MSH3: variants seen among roughly 807,000 people sequenced by gnomAD.
MSH3 encodes mutS homolog 3, also known as DNA mismatch repair protein Msh3.
Under a neutral mutation model 123.3 loss-of-function variants are expected in MSH3, and 106 were observed. That is an observed-to-expected ratio of 0.86 (90% CI 0.73 to 1.01). The LOEUF (loss-of-function observed/expected upper bound fraction) is 1.01. Ranked by LOEUF, MSH3 falls within the 50% of genes least tolerant of loss-of-function variation. The pLI, the probability that MSH3 is intolerant of heterozygous loss-of-function variation, is 0.00. For synonymous variants in MSH3, 515 were observed against 481.4 expected (o/e 1.07, Z -0.91); for missense variants, 1,459 against 1,347.6 (o/e 1.08, Z -1.29).
chr5:80,731,401 A>G (rs1743409354), intron 10 of MSH3, among the ~76,000 whole-genome samples: 1 of 152,172 alleles, frequency 6.6e-6, no homozygotes, highest in Non-Finnish European at 1.5e-5. Flanking sequence ...TTAGTGTATC[A>G]TCTAATCTAC....
intron 8 of MSH3, among the ~76,000 whole-genome samples, chr5:80,722,870 C>G (rs956452621): frequency 6.6e-6 from 1 of 152,104 alleles, no homozygotes; most frequent in Non-Finnish European, 1.5e-5. Context: ...TTTGGGAGGC[C>G]GAGGTGGGCA....
At chr5:80,683,380 T>C (rs751582805) in intron 8 of MSH3, among the ~76,000 whole-genome samples, 5 of 152,326 alleles carry the variant, frequency 3.3e-5, no homozygotes, top group African/African-American at 4.8e-5. Flanking sequence ...TATTATTGCA[T>C]GTCTTTGGAT....
rs571940056 is a variant in MSH3, at chr5:80,826,354, G to C, written c.2813+12613G>C. Among the ~76,000 whole-genome samples the C allele has an allele frequency of 1.6e-4, 25 of 152,260 alleles. 1 individual carries two copies. In the South Asian group the frequency reaches 4.8e-3, roughly 29 times the overall value. ...ATGGAAAAAATATTAAAATCTAGCAGAATGAGATATTTGCATAAGATTTAG... is the reference window on the plus strand; with the variant it reads ...ATGGAAAAAATATTAAAATCTAGCACAATGAGATATTTGCATAAGATTTAG... On this transcript the variant is annotated intron_variant, in intron 20 of 23. Coordinates refer to ENST00000265081, the MANE Select transcript of MSH3 (RefSeq NM_002439.5).
Position 80,654,896 on chromosome 5 carries a change from G to C in MSH3, c.169G>C (p.Ala57Pro), listed in dbSNP as rs144776112. 1.5e-5 allele frequency: 12 copies of C among 815,192 alleles called. No homozygotes were observed. Among genetic ancestry groups the C allele is most frequent in the East Asian group, 5.8e-5 (2 of 34,330 alleles). 50.5% of individuals were successfully genotyped at this position (815,192 alleles called of 1,614,324 possible). Residue 57 changes from alanine to proline, a missense_variant, in exon 1 of 24, where the codon GCC becomes CCC. Ala to Pro is a conservative substitution (Grantham distance 27). Coordinates refer to ENST00000265081, the MANE Select transcript of MSH3 (RefSeq NM_002439.5). ...CCCTGGCGCTGCAGCGGCTGCAGCG[G>C]CCGCAGCGGCCGCAGCGCCCCCAGC... Reference protein sequence around the residue: ...VDPGAAAAAAAAAAAAPPAPP... With the variant: ...VDPGAAAAAAPAAAAAPPAPP...
At chr5:80,783,206 C>T (rs1744439835) in intron 17 of MSH3, among the ~76,000 whole-genome samples, 1 of 152,136 alleles carries the variant, frequency 6.6e-6, no homozygotes, top group South Asian at 2.1e-4. Flanking sequence ...TCCTATGGAC[C>T]CAGCAATATC....
chr5:80,730,960 T>C (rs1743401229), intron 10 of MSH3, among the ~76,000 whole-genome samples: 2 of 148,918 alleles, frequency 1.3e-5, no homozygotes. Flanking sequence ...TGGAGTATAG[T>C]GGTGCGATCT....
At chr5:80,663,914 C>T (rs1650673) in intron 2 of MSH3, among the ~76,000 whole-genome samples, 18,548 of 152,116 alleles carry the variant, frequency 0.12, 1,296 homozygotes, top group Middle Eastern at 0.2. Flanking sequence ...AACTCTTGCC[C>T]TCAGAGTGTT....
chr5:80,826,674 A>G (rs32982), intron 20 of MSH3, among the ~76,000 whole-genome samples: 67,947 of 151,072 alleles, frequency 0.45, 16,200 homozygotes, highest in Non-Finnish European at 0.54. Flanking sequence ...TCAGCCTCCC[A>G]AGTAGTTGGG....
chr5:80,773,758 TC>T (rs757977453), intron 15 of MSH3, among the ~76,000 whole-genome samples: 30 of 152,084 alleles, frequency 2.0e-4, no homozygotes, highest in Non-Finnish European at 4.0e-4. Context: ...TTGAATTAGT[TC>T]TTTTGTTTTT....
At chr5:80,830,129 A>C (rs932683620) in intron 20 of MSH3, among the ~76,000 whole-genome samples, 1 of 151,758 alleles carries the variant, frequency 6.6e-6, no homozygotes, top group Admixed American at 6.6e-5. Context: ...TTTTTTTCTT[A>C]GCCAAGCTAG....
chr5:80,741,361 T>C, intron 10 of MSH3, 103 bp from the exon 11 acceptor site: 1 of 776,554 alleles, frequency 1.3e-6, no homozygotes, highest in African/African-American at 1.7e-5. Context: ...ATCAGAATGC[T>C]AATTTTTGCC....
intron 23 of MSH3, among the ~76,000 whole-genome samples, chr5:80,873,736 C>T (rs931154544): frequency 1.3e-5 from 2 of 152,134 alleles, no homozygotes; most frequent in African/African-American, 4.8e-5. Context: ...ATCCACATGT[C>T]ACTTATTTTG....
chr5:80,864,457 TATA>T (rs1746065925), intron 21 of MSH3, among the ~76,000 whole-genome samples: 2 of 152,128 alleles, frequency 1.3e-5, no homozygotes, highest in African/African-American at 4.8e-5. Context: ...GTATATGTTA[TATA>T]ATAATAATAT....
chr5:80,690,348 C>T (rs1346513906), intron 8 of MSH3, among the ~76,000 whole-genome samples: 1 of 152,092 alleles, frequency 6.6e-6, no homozygotes, highest in African/African-American at 2.4e-5. Context: ...TGCTCTGTCA[C>T]CCAGACTGGA....
chr5:80,830,516 A>T (rs762103972), intron 20 of MSH3, among the ~76,000 whole-genome samples: 1 of 152,212 alleles, frequency 6.6e-6, no homozygotes, highest in Non-Finnish European at 1.5e-5. Context: ...GATTTATCTG[A>T]TTAATTTTAT....
At chr5:80,790,114 C>T (rs1261581405) in intron 18 of MSH3, among the ~76,000 whole-genome samples, 2 of 152,144 alleles carry the variant, frequency 1.3e-5, no homozygotes, top group Non-Finnish European at 2.9e-5. Context: ...AGGAATCCCA[C>T]TTTAAAAATT....
chr5:80,743,402 C>A (rs1417979616), intron 11 of MSH3, among the ~76,000 whole-genome samples: 1 of 152,166 alleles, frequency 6.6e-6, no homozygotes, highest in Non-Finnish European at 1.5e-5. Context: ...CTAGTTGATT[C>A]CTGGCAGGTG....
At chr5:80,807,069 A>G (rs1258358357) in intron 19 of MSH3, among the ~76,000 whole-genome samples, 2 of 151,564 alleles carry the variant, frequency 1.3e-5, no homozygotes, top group African/African-American at 4.9e-5. Context: ...GCACCCACCC[A>G]TGGTCCCAAC....
intron 20 of MSH3, among the ~76,000 whole-genome samples, chr5:80,842,365 T>C (rs915620719): frequency 6.6e-6 from 1 of 152,326 alleles, no homozygotes; most frequent in African/African-American, 2.4e-5. Flanking sequence ...TTCTTTTTGC[T>C]TAGGATTGTC....
Sources: gnomAD v4.1 joint callset for allele counts (sites outside exome capture counted in the v4.1 genomes callset) on GRCh38, gnomAD v4.1.1 for gene constraint, MANE v1.5 for transcripts, NCBI Gene and HGNC (gene_info 2026-07-23, HGNC 2026-07-21) for gene names.